GRIN1: variants seen among roughly 807,000 people sequenced by gnomAD.
GRIN1 encodes glutamate receptor ionotropic, NMDA 1.
GRIN1 carries 38 observed loss-of-function variants against 103.0 expected under a neutral mutation model. The ratio of observed to expected loss-of-function variants is 0.37; its 90% confidence interval spans 0.28 to 0.48. The LOEUF is 0.48. Among genes scored for constraint, GRIN1 ranks in the 20% least tolerant of loss-of-function variants. GRIN1 has a pLI of 0.98. For missense variants in GRIN1, 577 were observed against 1,288.9 expected (o/e 0.45, Z 8.46); for synonymous variants, 544 against 532.7 (o/e 1.02, Z -0.29).
chr9:137,160,521 C>T (rs1295384251), intron 8 of GRIN1, among the ~76,000 whole-genome samples: 2 of 152,168 alleles, frequency 1.3e-5, no homozygotes, highest in Non-Finnish European at 2.9e-5. Context: ...GCTCCGCCTC[C>T]CGGGTTCACG....
chr9:137,160,968 G>A lies in GRIN1; in HGVS notation c.1198-88G>A, dbSNP rs1833504648. The stretch of plus-strand genomic sequence containing the variant: ...GGGTGCGTCGGGGATTAAGAGGGGC[G>A]CCAGGGGAGGCTGGGAGCTGAGAAG... On this transcript the variant is annotated intron_variant, in intron 8 of 19. Transcript: ENST00000371561. The A allele has an allele frequency of 4.5e-6, 7 of 1,550,594 alleles. No individual in the cohort carries two copies. In the Admixed American group the frequency reaches 1.0e-4, roughly 23 times the overall value.
chr9:137,141,805 G>A (rs1234812495), intron 1 of GRIN1, among the ~76,000 whole-genome samples: 2 of 152,198 alleles, frequency 1.3e-5, no homozygotes, highest in Non-Finnish European at 2.9e-5. Flanking sequence ...CAGTGTGAGA[G>A]GAGTGAGGGG....
At chr9:137,159,619 G>A (rs540865668) in intron 8 of GRIN1, among the ~76,000 whole-genome samples, 1 of 152,384 alleles carries the variant, frequency 6.6e-6, no homozygotes, top group African/African-American at 2.4e-5. Flanking sequence ...ATGGCCAAAA[G>A]GCCCCATCTA....
chr9:137,150,588 C>T (rs551130271), intron 4 of GRIN1, among the ~76,000 whole-genome samples: 48 of 140,800 alleles, frequency 3.4e-4, no homozygotes, highest in Admixed American at 1.4e-3. Context: ...AAGCCCCACC[C>T]AGGGAAAGCT....
rs1374550814 is a variant in GRIN1 at position 137,146,980 on chromosome 9, A to T, written c.570+1078A>T. ...GGCATGGGCACCAAGGGCCCCACCC[A>T]AGACAGTGCCCCTCACCCCAGTGCC... On this transcript the variant is annotated intron_variant, in intron 3 of 19. Transcript: ENST00000371561. The surrounding 1 kb of genome is among the most constrained non-coding windows in gnomAD (Gnocchi z 6.7). Among the ~76,000 whole-genome samples the T allele has an allele frequency of 3.2e-5, 3 of 93,236 alleles. No individual in the cohort carries two copies. The highest frequency in any genetic ancestry group is 2.3e-4 in the Admixed American group (2 of 8,656). 61.2% of individuals were successfully genotyped at this position (93,236 alleles called of 152,430 possible).
chr9:137,156,589 A>G lies in GRIN1; in HGVS notation c.672-80A>G, dbSNP rs28687864. 457,719 of 1,544,868 alleles carry G rather than the reference A, an allele frequency of 0.3. 73,515 individuals carry two copies. The highest frequency in any genetic ancestry group is 0.33 in the Non-Finnish European group (375,792 of 1,144,812). ...TGGGGGCTGGGCAGGTCCCTGCTCC[A>G]GAGGAGGAGGACCTGGGCCTGCGGA... is the stretch of plus-strand genomic sequence containing the variant. On this transcript the variant is annotated intron_variant, in intron 4 of 19. Transcript: ENST00000371561.
intron 19 of GRIN1, 64 bp downstream of exon 19, chr9:137,165,360 C>A (rs1564366860): frequency 9.9e-7 from 1 of 1,013,802 alleles, no homozygotes; most frequent in Non-Finnish European, 1.6e-6. Flanking sequence ...GTGTGTCTCC[C>A]GCCCCATCAC....
Position 137,167,407 on chromosome 9 carries a change from A to G in GRIN1, c.2701-4A>G. 6.4e-7 allele frequency: 1 copy of G among 1,558,134 alleles called. No individual in the cohort carries two copies. The highest frequency in any genetic ancestry group is 8.7e-7 in the Non-Finnish European group (1 of 1,150,522). On this transcript the variant is annotated splice_polypyrimidine_tract_variant and splice_region_variant and intron_variant, in intron 19 of 19. Coordinates refer to ENST00000371561, the MANE Select transcript of GRIN1 (RefSeq NM_007327.4). ...GGGTATTGATTGTTGGTTCTTATTT[A>G]TAGAGCACCGGGGGTGGACGCGGCG...
At chr9:137,155,927 C>T (rs940622478) in intron 4 of GRIN1, among the ~76,000 whole-genome samples, 8 of 152,208 alleles carry the variant, frequency 5.3e-5, no homozygotes, top group South Asian at 2.1e-4. Context: ...GGGGGAAAGC[C>T]GCCTCTCATC....
chr9:137,154,129 T>C (rs1263569208), intron 4 of GRIN1, among the ~76,000 whole-genome samples: 1 of 149,654 alleles, frequency 6.7e-6, no homozygotes, highest in African/African-American at 2.5e-5. Flanking sequence ...TTTCTTTTTT[T>C]TTTGTGTGTG....
In GRIN1 at chr9:137,161,299, G is replaced by A. The variant is rs199871811; in HGVS notation, c.1350G>A (p.Thr450=). The change falls in exon 10 of 20, where the codon ACG becomes ACA. Residue 450 remains threonine, a synonymous_variant. Coordinates refer to ENST00000371561, the MANE Select transcript of GRIN1 (RefSeq NM_007327.4). ...NDTSPGSPRH[T]VPQCCYGFCI... Reference sequence around the variant, plus strand: ...CCCGCACCTACCCAGCCCGCCACACGGTGCCTCAGTGTTGCTACGGCTTTT... The same window carrying A: ...CCCGCACCTACCCAGCCCGCCACACAGTGCCTCAGTGTTGCTACGGCTTTT... The A allele has an allele frequency of 6.2e-7, 1 of 1,612,458 alleles. No homozygotes were observed. The highest frequency in any genetic ancestry group is 8.5e-7 in the Non-Finnish European group (1 of 1,179,654).
At chr9:137,167,373 G>A (rs1833938489) in intron 19 of GRIN1, 38 bp from the exon 20 acceptor site, 2 of 1,499,564 alleles carry the variant, frequency 1.3e-6, no homozygotes, top group Non-Finnish European at 1.8e-6. Flanking sequence ...GGCGGCCGGC[G>A]GGGCCAGCGG....
At chr9:137,156,811 G>A (rs1833253430) in intron 5 of GRIN1, 21 bp downstream of exon 5, 7 of 1,600,626 alleles carry the variant, frequency 4.4e-6, no homozygotes, top group Non-Finnish European at 6.0e-6. Context: ...GGCCTTGGCG[G>A]GGTCCCCGAA....
chr9:137,160,818 A>ACC (rs571318041), intron 8 of GRIN1, among the ~76,000 whole-genome samples: 2 of 151,192 alleles, frequency 1.3e-5, no homozygotes, highest in Non-Finnish European at 2.9e-5. Context: ...CCCAGCCCCC[A>ACC]CCCCCCCGGG....
chr9:137,167,636 GGA>G lies in GRIN1; in HGVS notation c.*111_*112del. ...CCCGGAGCACCACGGGGTCGGGGGA[GGA>G]GCACCCCCAGCCTCCCCCAGGCTGC... On this transcript the variant is annotated 3_prime_UTR_variant, in exon 20 of 20. Transcript: ENST00000371561. 6.6e-7 allele frequency: 1 copy of G among 1,512,030 alleles called. No homozygotes were observed. The highest frequency in any genetic ancestry group is 2.2e-5 in the Admixed American group (1 of 46,224). The allele number at this position is 1,512,030 out of a possible 1,614,324, so 93.7% of individuals were successfully genotyped here.
At chr9:137,142,261 C>G (rs1204526951) in intron 2 of GRIN1, 114 bp downstream of exon 2, 1 of 1,011,054 alleles carries the variant, frequency 9.9e-7, no homozygotes, top group Non-Finnish European at 1.5e-6. Flanking sequence ...CACAAACAGC[C>G]ACACAGCTCC....
At chr9:137,144,787 T>G (rs867837757) in intron 2 of GRIN1, among the ~76,000 whole-genome samples, 970 of 5,338 alleles carry the variant, frequency 0.18, 103 homozygotes, top group Non-Finnish European at 0.22. Flanking sequence ...GTCCCCAGGG[T>G]GGTAGGGACA....
chr9:137,167,900 G>C lies in GRIN1; in HGVS notation c.*373G>C. 1 of 1,489,286 alleles carries C rather than the reference G, an allele frequency of 6.7e-7. No individual in the cohort carries two copies. The highest frequency in any genetic ancestry group is 9.3e-7 in the Non-Finnish European group (1 of 1,074,890). The allele number at this position is 1,489,286 out of a possible 1,614,324, so 92.3% of individuals were successfully genotyped here. On this transcript the variant is annotated 3_prime_UTR_variant, in exon 20 of 20. Transcript: ENST00000371561. ...CCGGCCAAGGACACTGATGGGTCCT[G>C]CTGCTCGGGAAGGCCTGAGGGAAGC... is the stretch of plus-strand genomic sequence containing the variant.
intron 1 of GRIN1, 40 bp from the exon 2 acceptor site, chr9:137,141,973 C>T (rs200169632): frequency 1.6e-5 from 26 of 1,612,818 alleles, no homozygotes; most frequent in Non-Finnish European, 2.0e-5. Context: ...GTGCCTGGCT[C>T]ACCCCTGACT....
Sources: allele counts gnomAD v4.1 joint callset (sites outside exome capture counted in the v4.1 genomes callset), GRCh38; gene constraint gnomAD v4.1.1; non-coding constraint Gnocchi (gnomAD v3.1); transcripts MANE v1.5; gene names NCBI Gene and HGNC (gene_info 2026-07-23, HGNC 2026-07-21).